Variants in ACOXL observed in about 807,000 individuals in gnomAD.
The protein encoded by ACOXL is acyl-coenzyme A oxidase-like protein.
In ACOXL, 70 loss-of-function variants were observed where a neutral mutation model predicts 71.9. That is an observed-to-expected ratio of 0.97 (90% CI 0.80 to 1.19). The LOEUF (loss-of-function observed/expected upper bound fraction) is 1.19. Among genes scored for constraint, ACOXL ranks in the 50% most tolerant of loss-of-function variants. The pLI is 0.00. For synonymous variants in ACOXL, 253 were observed against 281.6 expected, an observed-to-expected ratio of 0.90 and a Z score of 1.02; for missense variants, 703 against 736.3, an observed-to-expected ratio of 0.95 and a Z score of 0.52.
At chr2:111,034,857 T>G (rs2065436642) in intron 15 of ACOXL, among the ~76,000 whole-genome samples, 1 of 151,996 alleles carries the variant, frequency 6.6e-6, no homozygotes, top group Admixed American at 6.6e-5. Context: ...AGATGTTGCC[T>G]TTGGAGCCTT....
At chr2:110,929,975 C>A (rs2060419698) in intron 11 of ACOXL, among the ~76,000 whole-genome samples, 1 of 152,192 alleles carries the variant, frequency 6.6e-6, no homozygotes, top group Non-Finnish European at 1.5e-5. Flanking sequence ...TCATGGAGAA[C>A]CTTTGCTAGG....
chr2:111,093,827 G>C (rs1399628099), intron 17 of ACOXL: 1 of 275,712 alleles, frequency 3.6e-6, no homozygotes, highest in Admixed American at 5.0e-5. Context: ...TTGCGCCACT[G>C]TACTCCAGTT....
chr2:110,830,281 A>G lies in ACOXL; in HGVS notation c.754-11090A>G, dbSNP rs564897875. Among the ~76,000 whole-genome samples, 11 of 152,338 alleles carry G rather than the reference A, an allele frequency of 7.2e-5. No individual in the cohort carries two copies. The East Asian group carries it at 1.5e-3, about 21-fold the overall frequency. On this transcript the variant is annotated intron_variant, in intron 9 of 17. Transcript: ENST00000439055. ...CAATTTGGCATTCAGACTTCTCTCT[A>G]TGTAATTATATAAATAATTACCTAA...
Position 110,878,133 on chromosome 2 carries a change from C to T in ACOXL, c.789-30656C>T, listed in dbSNP as rs529435286. ...AGTCTGTGAATAAAACAATAAAAGC[C>T]GTGGGTTTTATGAACAGTTTCAGTT... is the stretch of plus-strand genomic sequence containing the variant. On this transcript the variant is annotated intron_variant, in intron 10 of 17. Transcript: ENST00000439055. 7.2e-5 allele frequency among the ~76,000 whole-genome samples: 11 copies of T among 152,184 alleles called. No homozygotes were observed. The South Asian group carries it at 1.0e-3, about 14-fold the overall frequency.
chr2:110,990,622 C>T (rs1178430065), intron 13 of ACOXL, among the ~76,000 whole-genome samples: 4 of 152,154 alleles, frequency 2.6e-5, no homozygotes, highest in East Asian at 3.8e-4. Flanking sequence ...GGGTCTTGTG[C>T]TGTCTTTCAG....
intron 2 of ACOXL, among the ~76,000 whole-genome samples, chr2:110,773,319 A>G (rs1326749548): frequency 6.6e-6 from 1 of 152,210 alleles, no homozygotes; most frequent in Non-Finnish European, 1.5e-5. Flanking sequence ...GTGTTTGGGA[A>G]TGCCGGGGAG....
At chr2:111,043,432 G>A (rs2065876523) in intron 15 of ACOXL, among the ~76,000 whole-genome samples, 1 of 152,180 alleles carries the variant, frequency 6.6e-6, no homozygotes, top group Non-Finnish European at 1.5e-5. Context: ...AAAAGAGGTG[G>A]GTGGGGGACT....
intron 9 of ACOXL, among the ~76,000 whole-genome samples, chr2:110,833,213 C>T (rs1690052358): frequency 6.6e-6 from 1 of 152,172 alleles, no homozygotes; most frequent in Non-Finnish European, 1.5e-5. Flanking sequence ...CACTGTGGTG[C>T]ATCTATACCA....
intron 13 of ACOXL, among the ~76,000 whole-genome samples, chr2:110,989,872 C>T (rs76056446): frequency 0.065 from 9,952 of 152,036 alleles, 418 homozygotes; most frequent in East Asian, 0.22. Flanking sequence ...GAAACCCCGT[C>T]TCTACTAAAA....
chr2:110,995,424 C>A (rs2063346196), intron 13 of ACOXL, among the ~76,000 whole-genome samples: 1 of 128,246 alleles, frequency 7.8e-6, no homozygotes, highest in South Asian at 2.6e-4. Context: ...CACTTGAACC[C>A]AGGAGGTGGA....
At chr2:110,784,272 A>G (rs1250200287) in intron 2 of ACOXL, among the ~76,000 whole-genome samples, 13 of 151,878 alleles carry the variant, frequency 8.6e-5, no homozygotes, top group Non-Finnish European at 1.9e-4. Context: ...AAAAAAAAAG[A>G]TTGTCAACAG....
At chr2:110,770,189 C>A (rs1188322805) in intron 2 of ACOXL, among the ~76,000 whole-genome samples, 3 of 152,202 alleles carry the variant, frequency 2.0e-5, no homozygotes, top group Non-Finnish European at 4.4e-5. Flanking sequence ...TTTCCCCACC[C>A]AGCATGGTCT....
At chr2:110,807,416 C>T (rs75435428) in intron 9 of ACOXL, among the ~76,000 whole-genome samples, 1 of 152,290 alleles carries the variant, frequency 6.6e-6, no homozygotes, top group African/African-American at 2.4e-5. Context: ...ACTGGGAAGA[C>T]AGGAGTTGGC....
chr2:111,058,779 G>A (rs1412220250), intron 16 of ACOXL, among the ~76,000 whole-genome samples: 1 of 152,112 alleles, frequency 6.6e-6, no homozygotes, highest in Non-Finnish European at 1.5e-5. Flanking sequence ...AAGCAAGGAA[G>A]GGAAGGATAA....
chr2:110,849,054 C>A (rs760240515), intron 10 of ACOXL, among the ~76,000 whole-genome samples: 20 of 152,232 alleles, frequency 1.3e-4, no homozygotes, highest in African/African-American at 2.9e-4. Flanking sequence ...AACAGCCCCC[C>A]TTTATCGTCT....
intron 5 of ACOXL, among the ~76,000 whole-genome samples, chr2:110,798,189 C>T (rs1685498256): frequency 6.6e-6 from 1 of 151,666 alleles, no homozygotes; most frequent in African/African-American, 2.4e-5. Context: ...ATTGTCTTCT[C>T]TTCTGCTGTG....
chr2:110,767,691 A>T (rs1288306177), intron 1 of ACOXL, among the ~76,000 whole-genome samples: 2 of 152,252 alleles, frequency 1.3e-5, no homozygotes, highest in Middle Eastern at 3.4e-3. Flanking sequence ...CTCTTGCAAC[A>T]CGCATGTCAC....
intron 12 of ACOXL, among the ~76,000 whole-genome samples, chr2:110,951,292 A>G (rs2061325432): frequency 6.6e-6 from 1 of 152,190 alleles, no homozygotes; most frequent in South Asian, 2.1e-4. Flanking sequence ...TTGTATGTTG[A>G]TCTTATAATC....
At chr2:110,804,694 C>T (rs1025326613) in intron 8 of ACOXL, among the ~76,000 whole-genome samples, 7 of 152,090 alleles carry the variant, frequency 4.6e-5, no homozygotes, top group African/African-American at 1.7e-4. Context: ...CACAGGTGAA[C>T]CCTGAAAACA....
Sources: gnomAD v4.1 joint callset for allele counts (sites outside exome capture counted in the v4.1 genomes callset) on GRCh38, gnomAD v4.1.1 for gene constraint, MANE v1.5 for transcripts, NCBI Gene and HGNC (gene_info 2026-07-23, HGNC 2026-07-21) for gene names.